The following PEPD variants were observed in gnomAD, a reference collection of about 807,000 sequenced individuals.
PEPD encodes the protein peptidase D, also known as xaa-Pro dipeptidase.
A neutral mutation model predicts 60.7 loss-of-function variants in PEPD; 53 were observed. That is an observed-to-expected ratio of 0.87 (90% CI 0.70 to 1.10). The LOEUF is 1.10. Ranked by LOEUF, PEPD falls within the 50% of genes least tolerant of loss-of-function variation. The probability of loss-of-function intolerance (pLI) is 0.00; values close to 1 mark genes in which losing one functional copy is unlikely to be tolerated. For synonymous variants in PEPD, 267 were observed against 284.1 expected (o/e 0.94, Z 0.60); for missense variants, 711 against 711.9 (o/e 1.00, Z 0.01).
intron 7 of PEPD, among the ~76,000 whole-genome samples, chr19:33,471,008 G>A (rs973061294): frequency 2.2e-4 from 33 of 152,162 alleles, no homozygotes; most frequent in African/African-American, 6.8e-4. Flanking sequence ...GGAAGAGGTC[G>A]TAATCTGCCA....
intron 9 of PEPD, among the ~76,000 whole-genome samples, chr19:33,414,582 G>GC (rs1322160576): frequency 2.7e-5 from 4 of 147,122 alleles, no homozygotes; most frequent in Admixed American, 1.4e-4. Context: ...GGCCCAGGTG[G>GC]CCCCCACCCG....
At chr19:33,409,691 C>G (rs1162234063) in intron 11 of PEPD, among the ~76,000 whole-genome samples, 1 of 152,136 alleles carries the variant, frequency 6.6e-6, no homozygotes, top group Admixed American at 6.5e-5. Flanking sequence ...TTTCAGGACA[C>G]CAGGTGGTGT....
intron 9 of PEPD, among the ~76,000 whole-genome samples, chr19:33,430,443 A>G (rs949126762): frequency 2.6e-5 from 4 of 152,174 alleles, no homozygotes; most frequent in Middle Eastern, 3.4e-3. Context: ...GCCCCAGTTC[A>G]CTGCCAGGAA....
chr19:33,459,118 G>A (rs577082155), intron 9 of PEPD, among the ~76,000 whole-genome samples: 7 of 152,130 alleles, frequency 4.6e-5, no homozygotes, highest in East Asian at 3.9e-4. Flanking sequence ...TGGCAGGAGC[G>A]CCCAGAAAAG....
intron 10 of PEPD, 150 bp downstream of exon 10, chr19:33,413,425 G>A (rs1339682616): frequency 7.8e-6 from 5 of 639,732 alleles, no homozygotes; most frequent in South Asian, 1.8e-5. Context: ...TTGGGAGGGA[G>A]GAGCGACTTC....
chr19:33,518,731 C>T (rs1971073135), intron 1 of PEPD, among the ~76,000 whole-genome samples: 1 of 152,084 alleles, frequency 6.6e-6, no homozygotes, highest in Admixed American at 6.6e-5. Context: ...CACAGACTGG[C>T]CCTGCGGATA....
At chr19:33,468,205 G>C (rs1970055760) in intron 7 of PEPD, among the ~76,000 whole-genome samples, 1 of 152,138 alleles carries the variant, frequency 6.6e-6, no homozygotes. Context: ...TGCACCCCCT[G>C]GCCAGCTCCT....
chr19:33,443,231 T>C (rs1490322283), intron 9 of PEPD, among the ~76,000 whole-genome samples: 2 of 152,252 alleles, frequency 1.3e-5, no homozygotes, highest in African/African-American at 2.4e-5. Context: ...CTATCGATTC[T>C]GTCATATGTC....
intron 3 of PEPD, among the ~76,000 whole-genome samples, chr19:33,502,479 T>A (rs1008181656): frequency 6.6e-6 from 1 of 152,178 alleles, no homozygotes; most frequent in African/African-American, 2.4e-5. Flanking sequence ...TTTCCACACC[T>A]AAGTAACAAA....
chr19:33,513,589 C>A (rs757838323), intron 1 of PEPD, among the ~76,000 whole-genome samples: 27 of 152,302 alleles, frequency 1.8e-4, no homozygotes, highest in Non-Finnish European at 3.1e-4. Flanking sequence ...GTGCTCTTGG[C>A]CGCAACTTCC....
intron 9 of PEPD, among the ~76,000 whole-genome samples, chr19:33,427,298 C>T (rs1246214874): frequency 1.3e-5 from 2 of 152,168 alleles, no homozygotes; most frequent in South Asian, 2.1e-4. Context: ...TGTGCCCCAT[C>T]GGGGACCTCT....
At chr19:33,453,348 GCAA>G (rs1188315933) in intron 9 of PEPD, among the ~76,000 whole-genome samples, 2 of 107,406 alleles carry the variant, frequency 1.9e-5, no homozygotes, top group East Asian at 4.8e-4. Flanking sequence ...AAATAAAAAA[GCAA>G]CAACAAGCAC....
At chr19:33,502,361 T>C (rs1970728527) in intron 3 of PEPD, among the ~76,000 whole-genome samples, 1 of 152,088 alleles carries the variant, frequency 6.6e-6, no homozygotes, top group African/African-American at 2.4e-5. Flanking sequence ...CTGGATGGTG[T>C]TTCCTGGGCT....
chr19:33,408,784 C>T (rs1196429332), intron 11 of PEPD, among the ~76,000 whole-genome samples: 1 of 152,136 alleles, frequency 6.6e-6, no homozygotes, highest in East Asian at 1.9e-4. Flanking sequence ...GATGAAGCAT[C>T]GTGGCTTTCA....
At chr19:33,507,069 C>T (rs548134189) in intron 3 of PEPD, among the ~76,000 whole-genome samples, 4 of 152,288 alleles carry the variant, frequency 2.6e-5, no homozygotes, top group African/African-American at 7.2e-5. Context: ...CACACATACA[C>T]CATGCATGTG....
intron 4 of PEPD, among the ~76,000 whole-genome samples, chr19:33,495,588 T>C (rs1157585938): frequency 6.6e-6 from 1 of 152,072 alleles, no homozygotes; most frequent in Non-Finnish European, 1.5e-5. Context: ...CCTGGCCCAA[T>C]GATCCTCCAG....
At chr19:33,517,204 C>A (rs1971038977) in intron 1 of PEPD, among the ~76,000 whole-genome samples, 1 of 151,258 alleles carries the variant, frequency 6.6e-6, no homozygotes, top group Non-Finnish European at 1.5e-5. Context: ...ATTTTGATAC[C>A]TGTATTTCCA....
chr19:33,511,458 C>T, intron 2 of PEPD: 1 of 404,338 alleles, frequency 2.5e-6, no homozygotes, highest in Non-Finnish European at 4.7e-6. Flanking sequence ...CCAGCAGCAC[C>T]ACACGTCCAG....
intron 12 of PEPD, among the ~76,000 whole-genome samples, chr19:33,393,479 G>A (rs918440947): frequency 2.1e-5 from 3 of 146,156 alleles, no homozygotes; most frequent in South Asian, 2.1e-4. Context: ...CCACTTGGCC[G>A]CTCCCCCGCC....
Sources: gnomAD v4.1 joint callset for allele counts (sites outside exome capture counted in the v4.1 genomes callset) on GRCh38, gnomAD v4.1.1 for gene constraint, MANE v1.5 for transcripts, NCBI Gene and HGNC (gene_info 2026-07-23, HGNC 2026-07-21) for gene names.